The following PREP variants were observed in gnomAD, a reference collection of about 807,000 sequenced individuals.
The protein encoded by PREP is dJ355L5.1 (prolyl endopeptidase).
In PREP, 29 loss-of-function variants were observed where a neutral mutation model predicts 87.6. The ratio of observed to expected loss-of-function variants is 0.33; its 90% CI spans 0.25 to 0.45. The LOEUF (loss-of-function observed/expected upper bound fraction) is 0.45, where lower values mean the gene tolerates loss of function less well. PREP is among the 20% of genes least tolerant of loss of function. The pLI is 1.00. For missense variants in PREP, 695 were observed against 886.5 expected (o/e 0.78, Z 2.74); for synonymous variants, 337 against 328.6 (o/e 1.03, Z -0.28).
chr6:105,370,393 A>G (rs1772504367), intron 5 of PREP, among the ~76,000 whole-genome samples: 1 of 151,932 alleles, frequency 6.6e-6, no homozygotes, highest in African/African-American at 2.4e-5. Context: ...AATGCTGTCC[A>G]CGTTGTGGAA....
intron 6 of PREP, among the ~76,000 whole-genome samples, chr6:105,361,935 G>C (rs1302554388): frequency 6.6e-6 from 1 of 152,100 alleles, no homozygotes; most frequent in Admixed American, 6.6e-5. Context: ...AACAAATAAA[G>C]TTACCCAGCT....
intron 12 of PREP, among the ~76,000 whole-genome samples, chr6:105,283,086 CT>C (rs1374764990): frequency 2.0e-5 from 3 of 152,246 alleles, no homozygotes; most frequent in Non-Finnish European, 4.4e-5. Context: ...CACCCCACCT[CT>C]GCAGGAGTCT....
chr6:105,338,129 T>C (rs1583064772), intron 7 of PREP, among the ~76,000 whole-genome samples: 1 of 152,372 alleles, frequency 6.6e-6, no homozygotes, highest in South Asian at 2.1e-4. Flanking sequence ...TTCTGGACTA[T>C]GACATTTGTA....
intron 4 of PREP, among the ~76,000 whole-genome samples, chr6:105,374,635 TATATATATATATATATATA>T (rs2114710350): frequency 4.3e-3 from 1 of 230 alleles, no homozygotes; most frequent in East Asian, 0.045. Context: ...GAATTGTTTA[TATATATATATATATATATA>T]TATATATATA....
chr6:105,345,493 A>G (rs1156880234), intron 7 of PREP, among the ~76,000 whole-genome samples: 1 of 152,180 alleles, frequency 6.6e-6, no homozygotes, highest in Non-Finnish European at 1.5e-5. Context: ...ACTTTCTTTG[A>G]AAAATCATCA....
At chr6:105,291,421 G>A (rs1297790233) in intron 10 of PREP, among the ~76,000 whole-genome samples, 1 of 152,198 alleles carries the variant, frequency 6.6e-6, no homozygotes, top group Non-Finnish European at 1.5e-5. Context: ...CTCTGTGGGT[G>A]TTGCCAAAAG....
intron 9 of PREP, among the ~76,000 whole-genome samples, chr6:105,327,768 G>A (rs975128551): frequency 3.9e-5 from 6 of 152,196 alleles, no homozygotes; most frequent in Admixed American, 1.3e-4. Context: ...CATAAGGAAA[G>A]TGCAGACTTT....
At chr6:105,331,290 G>T (rs1771327290) in intron 8 of PREP, among the ~76,000 whole-genome samples, 1 of 152,144 alleles carries the variant, frequency 6.6e-6, no homozygotes, top group Non-Finnish European at 1.5e-5. Context: ...CTTTCAGAAG[G>T]AAGGTTATAC....
chr6:105,351,394 GCACCTCTGTACTGTC>G (rs148576149), intron 7 of PREP, among the ~76,000 whole-genome samples: 9,563 of 152,094 alleles, frequency 0.063, 356 homozygotes, highest in Middle Eastern at 0.11. Flanking sequence ...AGAGCCTAGT[GCACCTCTGTACTGTC>G]TTCCTTTTGG....
chr6:105,276,972 TATC>T lies in PREP; in HGVS notation c.*1169_*1171del, dbSNP rs61243713. Among the ~76,000 whole-genome samples, 3,478 of 152,230 alleles carry T rather than the reference TATC, an allele frequency of 0.023. 113 individuals are homozygous for T. Among genetic ancestry groups the T allele is most frequent in the African/African-American group, 0.078 (3,254 of 41,528 alleles). ...AGATACTATATAAAATAATAATTTTTATCATATCATCTGATAAAGCAAGACAAA... is the reference window on the plus strand; with the variant it reads ...AGATACTATATAAAATAATAATTTTTATATCATCTGATAAAGCAAGACAAA... On this transcript the variant is annotated 3_prime_UTR_variant, in exon 15 of 15. Transcript: ENST00000652536.
chr6:105,296,337 C>T (rs1360978913), intron 10 of PREP, among the ~76,000 whole-genome samples: 2 of 151,300 alleles, frequency 1.3e-5, no homozygotes, highest in Admixed American at 6.6e-5. Context: ...AGGGTAGTAA[C>T]CTTTTTTCTA....
At chr6:105,375,543 T>C (rs948101380) in intron 4 of PREP, among the ~76,000 whole-genome samples, 3 of 152,226 alleles carry the variant, frequency 2.0e-5, no homozygotes, top group African/African-American at 7.2e-5. Flanking sequence ...AAGTAGGAGA[T>C]GTACAGCAAC....
intron 11 of PREP, 114 bp downstream of exon 11, chr6:105,288,644 C>T (rs942873218): frequency 7.4e-6 from 10 of 1,351,686 alleles, no homozygotes; most frequent in Non-Finnish European, 2.0e-6. Flanking sequence ...GGTGTGAACC[C>T]CCACGCCTGG....
rs1409807528 is a variant in PREP at position 105,288,783 on chromosome 6, T to C, written c.1429A>G (p.Asn477Asp). The C allele has an allele frequency of 6.2e-7, 1 of 1,614,156 alleles. No homozygotes were observed. Residue 477 changes from asparagine (N) to aspartate (D), a missense_variant, in exon 11 of 15, where the codon AAC becomes GAC. Asn to Asp is a conservative substitution (Grantham distance 23). Coordinates refer to ENST00000652536, the MANE Select transcript of PREP (RefSeq NM_002726.5). Reference sequence around the variant, plus strand: ...CTGTAGTTGGGTGTGATGGATATGTTGAAGCCGCCATAGCCATATAAGAAA... The same window carrying C: ...CTGTAGTTGGGTGTGATGGATATGTCGAAGCCGCCATAGCCATATAAGAAA... ...PAFLYGYGGF[N>D]ISITPNYSVS... is the part of the protein sequence containing the mutation.
chr6:105,381,432 T>C (rs1268046043), intron 2 of PREP, among the ~76,000 whole-genome samples: 1 of 151,574 alleles, frequency 6.6e-6, no homozygotes, highest in Non-Finnish European at 1.5e-5. Flanking sequence ...AAAAAAAAAT[T>C]GGGGAAAAGG....
intron 14 of PREP, among the ~76,000 whole-genome samples, chr6:105,279,715 AC>A: frequency 6.6e-6 from 1 of 152,264 alleles, no homozygotes; most frequent in South Asian, 2.1e-4. Context: ...TGCTCATTTT[AC>A]CAGCCGCAGG....
chr6:105,386,225 G>C (rs908315109), intron 2 of PREP, among the ~76,000 whole-genome samples: 1 of 152,090 alleles, frequency 6.6e-6, no homozygotes, highest in Non-Finnish European at 1.5e-5. Context: ...ACAACTATAC[G>C]CACTGCCTTC....
At position 105,349,561 on chromosome 6, in the gene PREP, G is replaced by A. The variant is rs114862278; in HGVS notation, c.823+3411C>T. ...GACACAGATGATGGCAACGTGACAT[G>A]AGCCACCCAAGTGAAATTCTTTAGT... On this transcript the variant is annotated intron_variant, in intron 7 of 14. Coordinates refer to ENST00000652536, the MANE Select transcript of PREP (RefSeq NM_002726.5). Among the ~76,000 whole-genome samples the A allele has an allele frequency of 7.7e-3, 1,165 of 152,200 alleles. 18 individuals carry two copies. The highest frequency in any genetic ancestry group is 0.027 in the African/African-American group (1,126 of 41,524).
intron 10 of PREP, chr6:105,302,668 G>T: frequency 2.1e-6 from 1 of 483,994 alleles, no homozygotes; most frequent in East Asian, 5.1e-5. Context: ...ACGGGCAATG[G>T]AATTGTGGAT....
Sources: allele counts gnomAD v4.1 joint callset (sites outside exome capture counted in the v4.1 genomes callset), GRCh38; gene constraint gnomAD v4.1.1; transcripts MANE v1.5; gene names NCBI Gene and HGNC (gene_info 2026-07-23, HGNC 2026-07-21).